The following KAZN variants were observed in gnomAD, a reference collection of about 807,000 sequenced individuals.
KAZN encodes the protein kazrin.
Under a neutral mutation model 87.4 loss-of-function variants are expected in KAZN, and 40 were observed. The ratio of observed to expected loss-of-function variants is 0.46; its 90% CI spans 0.36 to 0.60. The LOEUF (loss-of-function observed/expected upper bound fraction) is 0.60. Ranked by LOEUF, KAZN falls within the 20% of genes least tolerant of loss-of-function variation. KAZN has a pLI of 0.00. For missense variants in KAZN, 898 were observed against 1,073.9 expected, an observed-to-expected ratio of 0.84 and a Z score of 2.29; for synonymous variants, 466 against 458.3, an observed-to-expected ratio of 1.02 and a Z score of -0.22.
intron 1 of KAZN, among the ~76,000 whole-genome samples, chr1:13,901,772 G>A (rs1488108398): frequency 6.6e-6 from 1 of 152,246 alleles, no homozygotes; most frequent in Non-Finnish European, 1.5e-5. Context: ...CTGTTTGACA[G>A]GCATCTGAGT....
chr1:13,897,176 G>A (rs573836323), intron 1 of KAZN, among the ~76,000 whole-genome samples: 3 of 152,046 alleles, frequency 2.0e-5, no homozygotes, highest in Admixed American at 1.3e-4. Flanking sequence ...TTTTGTCTGC[G>A]GCTGCTTTTG....
chr1:14,390,165 A>G (rs1373922190), intron 2 of KAZN, among the ~76,000 whole-genome samples: 1 of 152,222 alleles, frequency 6.6e-6, no homozygotes, highest in South Asian at 2.1e-4. Context: ...AGCAAATTTT[A>G]ATTGCGATTA....
At chr1:14,431,961 T>C (rs1379056274) in intron 2 of KAZN, among the ~76,000 whole-genome samples, 1 of 152,200 alleles carries the variant, frequency 6.6e-6, no homozygotes, top group African/African-American at 2.4e-5. Context: ...ATAAGCTTTC[T>C]TTCATATGTA....
At chr1:14,094,539 A>G (rs1394505881) in intron 1 of KAZN, among the ~76,000 whole-genome samples, 2 of 152,242 alleles carry the variant, frequency 1.3e-5, no homozygotes, top group Non-Finnish European at 2.9e-5. Flanking sequence ...TCAGCACCTT[A>G]AAAGAATTGA....
At chr1:14,657,999 C>A (rs943325474) in intron 1 of KAZN, among the ~76,000 whole-genome samples, 8 of 152,166 alleles carry the variant, frequency 5.3e-5, no homozygotes, top group Non-Finnish European at 8.8e-5. Context: ...AGTCCATAGG[C>A]ACATGGCAGT....
chr1:14,922,706 C>T (rs1374472491), intron 1 of KAZN, among the ~76,000 whole-genome samples: 2 of 150,668 alleles, frequency 1.3e-5, no homozygotes, highest in Non-Finnish European at 2.9e-5. Context: ...GCAGGAGAAT[C>T]GCTTGAACCC....
chr1:13,929,795 T>C (rs971268681), intron 1 of KAZN, among the ~76,000 whole-genome samples: 1 of 152,210 alleles, frequency 6.6e-6, no homozygotes, highest in Non-Finnish European at 1.5e-5. Context: ...AGGTAGAATG[T>C]ATTAAGTGTT....
At chr1:14,034,008 C>T (rs1249775803) in intron 1 of KAZN, among the ~76,000 whole-genome samples, 6 of 152,354 alleles carry the variant, frequency 3.9e-5, no homozygotes, top group African/African-American at 1.2e-4. Context: ...TATGTGGAAA[C>T]GTCTAGCCTG....
intron 2 of KAZN, among the ~76,000 whole-genome samples, chr1:14,403,893 C>T (rs1187178836): frequency 1.3e-5 from 2 of 151,170 alleles, no homozygotes; most frequent in Admixed American, 6.6e-5. Context: ...AAGTTAAGAG[C>T]GGAAGTTTAA....
chr1:14,402,367 C>A lies in KAZN; in HGVS notation c.250-196616C>A, dbSNP rs78151129. Among the ~76,000 whole-genome samples the A allele has an allele frequency of 4.9e-3, 750 of 152,110 alleles. 5 individuals carry two copies. The highest frequency in any genetic ancestry group is 0.01 in the Middle Eastern group (3 of 294). On this transcript the variant is annotated intron_variant, in intron 2 of 16. Coordinates refer to the KAZN transcript ENST00000636203. ...CCAGCGTTCCAAGCACTTGTATTTT[C>A]TACCTTATTTAATTCTCATGGAAAG...
chr1:15,024,927 A>G (rs1671029414), intron 2 of KAZN, among the ~76,000 whole-genome samples: 2 of 152,170 alleles, frequency 1.3e-5, no homozygotes, highest in South Asian at 4.2e-4. Context: ...CAGGAGGCAC[A>G]GGGAAATCAG....
At chr1:14,518,852 T>C (rs551562027) in intron 2 of KAZN, among the ~76,000 whole-genome samples, 75 of 152,324 alleles carry the variant, frequency 4.9e-4, no homozygotes, top group African/African-American at 1.8e-3. Flanking sequence ...TAATTGCTAG[T>C]AGTTAATATT....
chr1:14,180,875 A>G (rs556336718), intron 2 of KAZN, among the ~76,000 whole-genome samples: 26 of 152,332 alleles, frequency 1.7e-4, no homozygotes, highest in Admixed American at 8.5e-4. Flanking sequence ...GTGAAAATCC[A>G]TTTACATACA....
chr1:14,886,151 G>T (rs926091495), intron 1 of KAZN, among the ~76,000 whole-genome samples: 9 of 152,204 alleles, frequency 5.9e-5, no homozygotes, highest in African/African-American at 2.2e-4. Context: ...GCCAGACACA[G>T]TGGTTCATGC....
chr1:14,146,960 T>C (rs559470981), intron 1 of KAZN, among the ~76,000 whole-genome samples: 4 of 152,206 alleles, frequency 2.6e-5, no homozygotes, highest in Admixed American at 2.6e-4. Flanking sequence ...GACCAACCTC[T>C]CCCCTTCTTT....
upstream of KAZN, among the ~76,000 whole-genome samples, chr1:14,595,653 C>A (rs1375216932): frequency 7.0e-6 from 1 of 143,648 alleles, no homozygotes; most frequent in African/African-American, 2.7e-5. Context: ...TGCACTCCAG[C>A]CTGGGCGACA....
intron 1 of KAZN, among the ~76,000 whole-genome samples, chr1:14,722,728 A>C (rs1485956400): frequency 6.6e-6 from 1 of 152,166 alleles, no homozygotes. Flanking sequence ...CTATGGTCTC[A>C]ATAACCATCA....
chr1:14,644,305 C>T (rs915298396), intron 1 of KAZN, among the ~76,000 whole-genome samples: 13 of 151,724 alleles, frequency 8.6e-5, no homozygotes, highest in Admixed American at 8.5e-4. Flanking sequence ...AGCCACCACG[C>T]CCGCCTGCCC....
chr1:14,055,288 A>T (rs1052410288), intron 1 of KAZN, among the ~76,000 whole-genome samples: 1 of 152,252 alleles, frequency 6.6e-6, no homozygotes, highest in East Asian at 1.9e-4. Flanking sequence ...TGACTGGCAC[A>T]TAATAAGTAC....
Sources: allele counts gnomAD v4.1 joint callset (sites outside exome capture counted in the v4.1 genomes callset), GRCh38; gene constraint gnomAD v4.1.1; transcripts MANE v1.5; gene names NCBI Gene and HGNC (gene_info 2026-07-23, HGNC 2026-07-21).